The following SHANK1 variants were observed in gnomAD, a reference collection of about 807,000 sequenced individuals.
SHANK1 encodes the protein SH3 and multiple ankyrin repeat domains protein 1.
A neutral mutation model predicts 165.6 loss-of-function variants in SHANK1; 35 were observed. The ratio of observed to expected loss-of-function variants is 0.21; its 90% CI spans 0.16 to 0.28. The LOEUF (loss-of-function observed/expected upper bound fraction) is 0.28. SHANK1 is among the 10% of genes least tolerant of loss of function. The pLI, the probability that SHANK1 is intolerant of heterozygous loss-of-function variation, is 1.00. For missense variants in SHANK1, 2,681 were observed against 3,036.4 expected (o/e 0.88, Z 2.75); for synonymous variants, 1,428 against 1,384.8 (o/e 1.03, Z -0.69).
Position 50,661,815 on chromosome 19 carries a change from C to T in SHANK1, c.*150G>A, listed in dbSNP as rs374947614. The T allele has an allele frequency of 3.4e-5, 28 of 813,628 alleles. No individual in the cohort carries two copies. The East Asian group carries it at 3.6e-4, about 10-fold the overall frequency. 50.4% of individuals were successfully genotyped at this position (813,628 alleles called of 1,614,324 possible). A position where few individuals can be genotyped will look rare whatever the true frequency, so the allele number is the denominator to read the frequency against. On this transcript the variant is annotated 3_prime_UTR_variant, in exon 24 of 24. Coordinates refer to ENST00000293441, the MANE Select transcript of SHANK1 (RefSeq NM_016148.5). Reference sequence around the variant, plus strand: ...AAATGTCCGGCCTGGATTGGGCCACCTGGTGACCTCTGGCCTTGGGAGATG... The same window carrying T: ...AAATGTCCGGCCTGGATTGGGCCACTTGGTGACCTCTGGCCTTGGGAGATG...
In SHANK1 at chr19:50,717,697, C is replaced by G. The variant is rs534844751; in HGVS notation, c.-43-735G>C. Reference sequence around the variant, plus strand: ...AGGGTGTGCGGGTAGGTGGGGAGGTCGGCCTGGGGAGTGCTGTCCAGGTGA... The same window carrying G: ...AGGGTGTGCGGGTAGGTGGGGAGGTGGGCCTGGGGAGTGCTGTCCAGGTGA... On this transcript the variant is annotated intron_variant, in intron 1 of 23. Transcript: ENST00000293441. The surrounding 1 kb of genome is among the most constrained non-coding windows in gnomAD (Gnocchi z 5.5). Among the ~76,000 whole-genome samples the G allele has an allele frequency of 6.6e-6, 1 of 151,888 alleles. No homozygotes were observed. The highest frequency in any genetic ancestry group is 6.6e-5 in the Admixed American group (1 of 15,250).
chr19:50,664,761 C>CA (rs1985409554), intron 23 of SHANK1, among the ~76,000 whole-genome samples: 1 of 148,984 alleles, frequency 6.7e-6, no homozygotes, highest in African/African-American at 2.5e-5. Context: ...TTGTTAATAA[C>CA]TTTTTTTTTT....
In SHANK1 at chr19:50,712,046, C is replaced by A; in HGVS notation, c.861G>T (p.Thr287=). 6.2e-7 allele frequency: 1 copy of A among 1,613,858 alleles called. No individual in the cohort carries two copies. The highest frequency in any genetic ancestry group is 8.5e-7 in the Non-Finnish European group (1 of 1,179,916). ...DRRGLTPLFH[T]AMVGGDPRCC... ...ATCGGGGGTCACCACCCACCATGGC[C>A]GTGTGGAACAGAGGGGTCAGCCCCC... is the stretch of plus-strand genomic sequence containing the variant. Residue 287 remains threonine, a synonymous_variant, in exon 7 of 24, where the codon ACG becomes ACT. Transcript: ENST00000293441.
chr19:50,668,559 G>A lies in SHANK1; in HGVS notation c.3401C>T (p.Ser1134Phe). The change falls in exon 23 of 24, where the codon TCC becomes TTC. Residue 1134 changes from serine (S) to phenylalanine (F), a missense_variant. By Grantham distance (155) the Ser-to-Phe change is radical. Transcript: ENST00000293441. ...GGLPPAPSPT[S>F]PASPQPPPAV... ...GGGCGGCGGCTGCGGGGAGGCCGGG[G>A]ACGTGGGCGACGGCGCGGGCGGGAG... 2 of 1,349,980 alleles carry A rather than the reference G, an allele frequency of 1.5e-6. No homozygotes were observed. Among genetic ancestry groups the A allele is most frequent in the Non-Finnish European group, 1.9e-6 (2 of 1,049,728 alleles). The allele number at this position is 1,349,980 out of a possible 1,614,324, so 83.6% of individuals were successfully genotyped here. A position where few individuals can be genotyped will look rare whatever the true frequency, so the allele number is the denominator to read the frequency against.
chr19:50,703,920 G>A, intron 10 of SHANK1, 90 bp from the exon 11 acceptor site: 1 of 700,406 alleles, frequency 1.4e-6, no homozygotes, highest in East Asian at 2.7e-5. Context: ...GTGGGAGAGA[G>A]GCATGAGGGA....
In SHANK1 at chr19:50,659,836, A is replaced by G. The variant is rs957979782; in HGVS notation, c.*2129T>C. On this transcript the variant is annotated 3_prime_UTR_variant, in exon 24 of 24. Transcript: ENST00000293441. Reference sequence around the variant, plus strand: ...CCCATCCAGAATGAACGAGCCCTTGATAGACGGGCGCCGCGCAGGCCCCCT... The same window carrying G: ...CCCATCCAGAATGAACGAGCCCTTGGTAGACGGGCGCCGCGCAGGCCCCCT... Among the ~76,000 whole-genome samples the G allele has an allele frequency of 3.1e-5, 4 of 128,904 alleles. No individual in the cohort carries two copies. Among genetic ancestry groups the G allele is most frequent in the African/African-American group, 5.9e-5 (2 of 33,898 alleles). The allele number at this position is 128,904 out of a possible 152,430, so 84.6% of individuals were successfully genotyped here.
chr19:50,669,033 G>A lies in SHANK1; in HGVS notation c.2927C>T (p.Pro976Leu). The change falls in exon 23 of 24, where the codon CCC becomes CTC. Residue 976 changes from proline to leucine, a missense_variant. This residue lies in a region of SHANK1 where 1,713 missense variants were observed against 1,630.2 expected (regional missense o/e 1.05). Coordinates refer to ENST00000293441, the MANE Select transcript of SHANK1 (RefSeq NM_016148.5). ...SPASFDGPSPPDTRVGSREKS... is the reference protein window; with the variant it reads ...SPASFDGPSPLDTRVGSREKS... ...CTCGCGGCTCCCCACGCGAGTGTCG[G>A]GAGGGGAGGGCCCGTCAAAGGATGC... 1 of 866,580 alleles carries A rather than the reference G, an allele frequency of 1.2e-6. No homozygotes were observed. The highest frequency in any genetic ancestry group is 1.7e-6 in the Non-Finnish European group (1 of 578,836). The allele number at this position is 866,580 out of a possible 1,614,324, so 53.7% of individuals were successfully genotyped here. A position where few individuals can be genotyped will look rare whatever the true frequency, so the allele number is the denominator to read the frequency against.
intron 7 of SHANK1, 114 bp from the exon 8 acceptor site, chr19:50,711,601 C>T (rs989530355): frequency 2.6e-6 from 2 of 759,012 alleles, no homozygotes; most frequent in African/African-American, 3.5e-5. Context: ...TTCACCGCAT[C>T]CACCTCCCCA....
chr19:50,700,620 C>T (rs1485604670), intron 12 of SHANK1, among the ~76,000 whole-genome samples: 1 of 151,982 alleles, frequency 6.6e-6, no homozygotes, highest in Admixed American at 6.6e-5. Context: ...TCAGTGACAT[C>T]GTGGATGTGG....
Position 50,717,318 on chromosome 19 carries a change from G to A in SHANK1, c.-43-356C>T, listed in dbSNP as rs1223523830. Among the ~76,000 whole-genome samples, 5 of 152,232 alleles carry A rather than the reference G, an allele frequency of 3.3e-5. No homozygotes were observed. Among genetic ancestry groups the A allele is most frequent in the African/African-American group, 1.2e-4 (5 of 41,462 alleles). On this transcript the variant is annotated intron_variant, in intron 1 of 23. Coordinates refer to ENST00000293441, the MANE Select transcript of SHANK1 (RefSeq NM_016148.5). This position sits in a 1 kb window ranked among gnomAD's most constrained non-coding sequence, Gnocchi z 5.5. ...CCCACTTTGCCAGGCCACAGAAAATGCAGCTAAAATTAGCTAAGGACAGAC... is the reference window on the plus strand; with the variant it reads ...CCCACTTTGCCAGGCCACAGAAAATACAGCTAAAATTAGCTAAGGACAGAC...
rs1985201850 is a variant in SHANK1 at position 50,661,227 on chromosome 19, A to T, written c.*738T>A. Among the ~76,000 whole-genome samples, 1 of 151,836 alleles carries T rather than the reference A, an allele frequency of 6.6e-6. No individual in the cohort carries two copies. The highest frequency in any genetic ancestry group is 1.5e-5 in the Non-Finnish European group (1 of 67,956). On this transcript the variant is annotated 3_prime_UTR_variant, in exon 24 of 24. Transcript: ENST00000293441. ...GCGGGGAGGAGGAGATGTGAAATGGAGTGTGTAAAGGAGGGCCCTGGTAGG... is the reference window on the plus strand; with the variant it reads ...GCGGGGAGGAGGAGATGTGAAATGGTGTGTGTAAAGGAGGGCCCTGGTAGG...
intron 21 of SHANK1, among the ~76,000 whole-genome samples, chr19:50,683,338 A>G (rs3848558): frequency 0.81 from 123,996 of 152,176 alleles, 51,137 homozygotes; most frequent in African/African-American, 0.88. Context: ...GGCTATATGC[A>G]GTAGTTGTGT....
rs1986768779 is a variant in SHANK1 at position 50,697,175 on chromosome 19, C to T, written c.1938-53G>A. On this transcript the variant is annotated intron_variant, in intron 14 of 23. Transcript: ENST00000293441. This position sits in a 1 kb window ranked among gnomAD's most constrained non-coding sequence, Gnocchi z 4.7. ...GGGAGGGGAAAGGTGTCAGTGCACC[C>T]ATCTCCTCACCCCAATCCCACCCAG... 6.2e-7 allele frequency: 1 copy of T among 1,613,918 alleles called. No individual in the cohort carries two copies. The highest frequency in any genetic ancestry group is 8.5e-7 in the Non-Finnish European group (1 of 1,179,862).
chr19:50,688,625 A>G lies in SHANK1; in HGVS notation c.2172+219T>C, dbSNP rs981705724. 1.3e-5 allele frequency among the ~76,000 whole-genome samples: 2 copies of G among 152,046 alleles called. No individual in the cohort carries two copies. Among genetic ancestry groups the G allele is most frequent in the Admixed American group, 6.5e-5 (1 of 15,276 alleles). On this transcript the variant is annotated intron_variant, in intron 17 of 23. Transcript: ENST00000293441. The surrounding 1 kb of genome is among the most constrained non-coding windows in gnomAD (Gnocchi z 6.7). ...GCCTGGCCATCCCCCGGTATTGTGT[A>G]TGTGTTGGGGACAGCTCTGTGTCAC...
At chr19:50,701,420 T>C (rs1986912135) in intron 12 of SHANK1, among the ~76,000 whole-genome samples, 1 of 151,636 alleles carries the variant, frequency 6.6e-6, no homozygotes, top group African/African-American at 2.4e-5. Flanking sequence ...CTCAAACTCC[T>C]GATCTCAGGT....
intron 4 of SHANK1, 95 bp from the exon 5 acceptor site, chr19:50,714,385 G>T: frequency 9.9e-7 from 1 of 1,005,744 alleles, no homozygotes; most frequent in Non-Finnish European, 1.5e-6. Context: ...AAATATACGT[G>T]GAGTCACATA....
chr19:50,717,739 C>T lies in SHANK1; in HGVS notation c.-43-777G>A, dbSNP rs3810282. Reference sequence around the variant, plus strand: ...TCCAGGTGACAGTGGTGTGGTGGCCCGGGTAGATGTGGGTGGCTGCAGATG... The same window carrying T: ...TCCAGGTGACAGTGGTGTGGTGGCCTGGGTAGATGTGGGTGGCTGCAGATG... On this transcript the variant is annotated intron_variant, in intron 1 of 23. Coordinates refer to ENST00000293441, the MANE Select transcript of SHANK1 (RefSeq NM_016148.5). The surrounding 1 kb of genome is among the most constrained non-coding windows in gnomAD (Gnocchi z 5.5). Among the ~76,000 whole-genome samples the T allele has an allele frequency of 2.0e-5, 3 of 151,422 alleles. No homozygotes were observed. Among genetic ancestry groups the T allele is most frequent in the South Asian group, 2.1e-4 (1 of 4,806 alleles).
intron 21 of SHANK1, among the ~76,000 whole-genome samples, chr19:50,679,466 C>A (rs1247690488): frequency 6.6e-6 from 1 of 152,106 alleles, no homozygotes; most frequent in Non-Finnish European, 1.5e-5. Flanking sequence ...GATGGGGCAT[C>A]GCACTGACTC....
chr19:50,689,293 A>C lies in SHANK1; in HGVS notation c.1965-14T>G. 2 of 1,195,552 alleles carry C rather than the reference A, an allele frequency of 1.7e-6. No individual in the cohort carries two copies. The highest frequency in any genetic ancestry group is 1.2e-5 in the South Asian group (1 of 82,466). 74.1% of individuals were successfully genotyped at this position (1,195,552 alleles called of 1,614,324 possible). ...ATGATGTAATCGCTGGCAGGGAGGC[A>C]GGAGAAATGGGGGGGTGGTGGGGGG... On this transcript the variant is annotated splice_polypyrimidine_tract_variant and intron_variant, in intron 15 of 23. Coordinates refer to ENST00000293441, the MANE Select transcript of SHANK1 (RefSeq NM_016148.5).
Sources: gnomAD v4.1 joint callset for allele counts (sites outside exome capture counted in the v4.1 genomes callset) on GRCh38, gnomAD v4.1.1 for gene constraint, gnomAD v4.1.1 regional missense constraint, Gnocchi (gnomAD v3.1) non-coding constraint, MANE v1.5 for transcripts, NCBI Gene and HGNC (gene_info 2026-07-23, HGNC 2026-07-21) for gene names.